Variants in OLFM3 observed in about 807,000 individuals in gnomAD.
OLFM3 encodes olfactomedin 3, also known as noelin-3.
Under a neutral mutation model 48.6 loss-of-function variants are expected in OLFM3, and 20 were observed. That is an observed-to-expected ratio of 0.41 (90% CI 0.29 to 0.60). The LOEUF (loss-of-function observed/expected upper bound fraction) is 0.60. Among genes scored for constraint, OLFM3 ranks in the 20% least tolerant of loss-of-function variants. The pLI is 0.28. For missense variants in OLFM3, 437 were observed against 544.3 expected (o/e 0.80, Z 1.96); for synonymous variants, 222 against 198.1 (o/e 1.12, Z -1.01).
rs569937014 is a variant in OLFM3 at position 101,917,501 on chromosome 1, C to T, written c.69+79247G>A. The stretch of plus-strand genomic sequence containing the variant: ...GTGGCATCCCTGCTCACTGCAACCT[C>T]TGCCTCTCAGGTTCAAGTCATTCTT... On this transcript the variant is annotated intron_variant, in intron 1 of 5. Coordinates refer to ENST00000370103, the MANE Select transcript of OLFM3 (RefSeq NM_058170.4). 1.6e-4 allele frequency among the ~76,000 whole-genome samples: 20 copies of T among 121,576 alleles called. No individual in the cohort carries two copies. The South Asian group carries it at 4.5e-3, about 27-fold the overall frequency. 79.8% of individuals were successfully genotyped at this position (121,576 alleles called of 152,430 possible).
intron 1 of OLFM3, among the ~76,000 whole-genome samples, chr1:101,896,547 T>C (rs1251978818): frequency 7.0e-6 from 1 of 142,532 alleles, no homozygotes; most frequent in African/African-American, 2.6e-5. Flanking sequence ...CAGGCTGAAG[T>C]GCAGTGGCGC....
chr1:101,955,279 C>T (rs1417184051), intron 1 of OLFM3, among the ~76,000 whole-genome samples: 1 of 152,090 alleles, frequency 6.6e-6, no homozygotes, highest in South Asian at 2.1e-4. Context: ...ACATTAATCA[C>T]ATTTTAACAA....
intron 4 of OLFM3, among the ~76,000 whole-genome samples, chr1:101,813,389 C>T (rs1654165969): frequency 6.6e-6 from 1 of 152,048 alleles, no homozygotes; most frequent in South Asian, 2.1e-4. Context: ...CATAAGCTGT[C>T]AACATAGAAA....
intron 1 of OLFM3, among the ~76,000 whole-genome samples, chr1:101,878,950 T>C (rs761661374): frequency 3.2e-4 from 49 of 151,958 alleles, no homozygotes; most frequent in Middle Eastern, 3.4e-3. Flanking sequence ...GCAAAATATA[T>C]GTAACTGAAC....
chr1:101,928,403 A>T (rs1460807667), intron 1 of OLFM3, among the ~76,000 whole-genome samples: 1 of 152,158 alleles, frequency 6.6e-6, no homozygotes, highest in Admixed American at 6.6e-5. Flanking sequence ...CAAGATCTAC[A>T]AAATGAGAGA....
At chr1:101,921,990 T>C (rs568857760) in intron 1 of OLFM3, among the ~76,000 whole-genome samples, 1 of 151,916 alleles carries the variant, frequency 6.6e-6, no homozygotes, top group East Asian at 1.9e-4. Flanking sequence ...ACCCGGGAGA[T>C]GGAGGTTGCA....
At chr1:101,856,292 G>C (rs1009095564) in intron 1 of OLFM3, among the ~76,000 whole-genome samples, 8 of 151,956 alleles carry the variant, frequency 5.3e-5, no homozygotes, top group African/African-American at 1.7e-4. Flanking sequence ...AGTTTTATGA[G>C]AGGTTGACGG....
intron 1 of OLFM3, among the ~76,000 whole-genome samples, chr1:101,864,392 AGCT>A (rs1182018053): frequency 6.6e-6 from 1 of 152,134 alleles, no homozygotes; most frequent in Non-Finnish European, 1.5e-5. Flanking sequence ...TTGTCTCTGT[AGCT>A]CAGCTACCTC....
At chr1:101,808,649 T>C (rs979436304) in intron 4 of OLFM3, among the ~76,000 whole-genome samples, 1 of 151,768 alleles carries the variant, frequency 6.6e-6, no homozygotes, top group African/African-American at 2.4e-5. Flanking sequence ...AATACAGACA[T>C]TGGAGGGCCA....
In OLFM3 at chr1:101,995,781, A is replaced by G. The variant is rs1661539216; in HGVS notation, c.69+967T>C. On this transcript the variant is annotated intron_variant, in intron 1 of 5. Transcript: ENST00000370103. ...GCTTGTATTAGTTTTATAGCATGGA[A>G]TCATTCTTCCTATATTGTCAAATTG... Among the ~76,000 whole-genome samples the G allele has an allele frequency of 3.9e-5, 6 of 152,348 alleles. No individual in the cohort carries two copies. In the South Asian group the frequency reaches 1.2e-3, roughly 32 times the overall value.
intron 1 of OLFM3, among the ~76,000 whole-genome samples, chr1:101,935,150 T>C (rs1002918309): frequency 6.6e-6 from 1 of 151,146 alleles, no homozygotes; most frequent in African/African-American, 2.4e-5. Context: ...TGATCTTTTG[T>C]ATAAAAAAAA....
chr1:101,961,969 T>C (rs1372420117), intron 1 of OLFM3, among the ~76,000 whole-genome samples: 4 of 152,192 alleles, frequency 2.6e-5, no homozygotes, highest in African/African-American at 9.6e-5. Flanking sequence ...CAGTTTCCTT[T>C]TCATCTGTTA....
In OLFM3 at chr1:101,996,847, T is replaced by C; in HGVS notation, c.-31A>G. ...TCTGGGTTTTTGCCCCTCTTTACTCTCTTTTATGTAGGCTCTCCACTCACT... is the reference window on the plus strand; with the variant it reads ...TCTGGGTTTTTGCCCCTCTTTACTCCCTTTTATGTAGGCTCTCCACTCACT... On this transcript the variant is annotated 5_prime_UTR_variant, in exon 1 of 6. Transcript: ENST00000370103. 6.2e-7 allele frequency: 1 copy of C among 1,611,392 alleles called. No homozygotes were observed. Among genetic ancestry groups the C allele is most frequent in the Non-Finnish European group, 8.5e-7 (1 of 1,177,622 alleles).
At chr1:101,892,898 C>T (rs1173185328) in intron 1 of OLFM3, among the ~76,000 whole-genome samples, 1 of 152,118 alleles carries the variant, frequency 6.6e-6, no homozygotes, top group Non-Finnish European at 1.5e-5. Context: ...TAACTTTATT[C>T]ATACTTTGCT....
intron 3 of OLFM3, among the ~76,000 whole-genome samples, chr1:101,828,052 C>CTGTCTCTCTCTCTG (rs747561274): frequency 1.6e-5 from 2 of 125,398 alleles, no homozygotes; most frequent in African/African-American, 5.7e-5. Flanking sequence ...GTCTGTCTGT[C>CTGTCTCTCTCTCTG]TCTCTCTCTC....
chr1:101,978,941 C>G (rs568771124), intron 1 of OLFM3, among the ~76,000 whole-genome samples: 78 of 152,194 alleles, frequency 5.1e-4, no homozygotes, highest in South Asian at 2.5e-3. Flanking sequence ...TCCCTGTCTC[C>G]TTAGGCATAT....
At chr1:101,921,202 C>A (rs61808285) in intron 1 of OLFM3, among the ~76,000 whole-genome samples, 2 of 38,478 alleles carry the variant, frequency 5.2e-5, no homozygotes, top group Non-Finnish European at 1.4e-4. Context: ...TAAGTTTATA[C>A]ACACACACAC....
chr1:101,941,198 A>G (rs1340029182), intron 1 of OLFM3, among the ~76,000 whole-genome samples: 1 of 152,168 alleles, frequency 6.6e-6, no homozygotes, highest in African/African-American at 2.4e-5. Context: ...GCAAATAAAG[A>G]TCAACCACGG....
At chr1:101,836,817 T>A (rs1557695835) in intron 2 of OLFM3, 62 bp downstream of exon 2, 2 of 1,513,222 alleles carry the variant, frequency 1.3e-6, no homozygotes, top group East Asian at 4.5e-5. Context: ...CTCTACCATA[T>A]TTCCTTTTGA....
Sources: allele counts gnomAD v4.1 joint callset (sites outside exome capture counted in the v4.1 genomes callset), GRCh38; gene constraint gnomAD v4.1.1; transcripts MANE v1.5; gene names NCBI Gene and HGNC (gene_info 2026-07-23, HGNC 2026-07-21).